Variants in EPB41L5 observed in about 807,000 individuals in gnomAD.
The protein encoded by EPB41L5 is erythrocyte membrane protein band 4.1 like 5.
Under a neutral mutation model 106.6 loss-of-function variants are expected in EPB41L5, and 55 were observed. The ratio of observed to expected loss-of-function variants is 0.52; its 90% CI spans 0.42 to 0.65. EPB41L5 has a LOEUF of 0.65. EPB41L5 is among the 30% of genes least tolerant of loss of function. EPB41L5 has a pLI of 0.00. For synonymous variants in EPB41L5, 297 were observed against 306.7 expected (o/e 0.97, Z 0.33); for missense variants, 871 against 882.1 (o/e 0.99, Z 0.16).
chr2:120,164,867 C>CATCTCT lies in EPB41L5; in HGVS notation c.1921_1926dup (p.Ser641_Leu642dup), dbSNP rs755437196. On this transcript the variant is annotated inframe_insertion, in exon 22 of 25. Transcript: ENST00000263713. Reference sequence around the variant, plus strand: ...ACAGATGAATTGGATGCCTTGCTTGCATCTCTAACTGAGAATCTAATTGAT... The same window carrying CATCTCT: ...ACAGATGAATTGGATGCCTTGCTTGCATCTCTATCTCTAACTGAGAATCTAATTGAT... The CATCTCT allele has an allele frequency of 1.2e-6, 2 of 1,612,440 alleles. No homozygotes were observed. Among genetic ancestry groups the CATCTCT allele is most frequent in the Non-Finnish European group, 1.7e-6 (2 of 1,179,250 alleles).
intron 24 of EPB41L5, among the ~76,000 whole-genome samples, chr2:120,173,036 T>G (rs2105578849): frequency 6.6e-6 from 1 of 152,214 alleles, no homozygotes; most frequent in African/African-American, 2.4e-5. Flanking sequence ...AAGACCAGCT[T>G]GGGCAACATA....
chr2:120,124,318 A>G (rs572485926), intron 16 of EPB41L5, among the ~76,000 whole-genome samples: 1 of 152,314 alleles, frequency 6.6e-6, no homozygotes, highest in South Asian at 2.1e-4. Flanking sequence ...TTAAAGTTGG[A>G]CTTAACACTT....
At chr2:120,020,507 A>G (rs1677847823) in intron 2 of EPB41L5, among the ~76,000 whole-genome samples, 1 of 152,162 alleles carries the variant, frequency 6.6e-6, no homozygotes, top group African/African-American at 2.4e-5. Context: ...AAGAATGTAT[A>G]TTTTTAGGGT....
chr2:120,055,826 G>A (rs565716565), intron 3 of EPB41L5, among the ~76,000 whole-genome samples: 4 of 152,096 alleles, frequency 2.6e-5, no homozygotes, highest in Non-Finnish European at 5.9e-5. Context: ...CTTGCTGAAC[G>A]TGTTTATTAG....
intron 24 of EPB41L5, among the ~76,000 whole-genome samples, chr2:120,168,281 AT>A (rs1687507031): frequency 6.6e-6 from 1 of 152,108 alleles, no homozygotes; most frequent in African/African-American, 2.4e-5. Context: ...GTCAATTTGT[AT>A]TGTTTCCCTT....
intron 10 of EPB41L5, among the ~76,000 whole-genome samples, chr2:120,082,819 C>G (rs757183355): frequency 4.6e-5 from 7 of 152,126 alleles, no homozygotes; most frequent in Non-Finnish European, 1.0e-4. Flanking sequence ...CAACTGCTTC[C>G]TGGTTTAGTC....
intron 3 of EPB41L5, among the ~76,000 whole-genome samples, chr2:120,051,631 T>C (rs1006951707): frequency 6.6e-6 from 1 of 152,208 alleles, no homozygotes; most frequent in South Asian, 2.1e-4. Context: ...ATTCCCTGAC[T>C]CCTTGCGCTT....
At chr2:120,021,471 C>T (rs1266331194) in intron 2 of EPB41L5, among the ~76,000 whole-genome samples, 4 of 151,816 alleles carry the variant, frequency 2.6e-5, no homozygotes, top group South Asian at 4.2e-4. Flanking sequence ...AGTGAAACCC[C>T]GTCTCTACTA....
chr2:120,038,196 AT>A (rs1487045142), intron 2 of EPB41L5, among the ~76,000 whole-genome samples: 1 of 152,230 alleles, frequency 6.6e-6, no homozygotes, highest in Non-Finnish European at 1.5e-5. Context: ...CCAAAAGCCA[AT>A]TCGAAAATAG....
At chr2:120,026,179 TAATTTTTGG>T (rs1678299356) in intron 2 of EPB41L5, among the ~76,000 whole-genome samples, 1 of 152,110 alleles carries the variant, frequency 6.6e-6, no homozygotes, top group South Asian at 2.1e-4. Flanking sequence ...AAAATAGGCA[TAATTTTTGG>T]AATTTTTTAT....
chr2:120,036,172 C>T (rs1283465828), intron 2 of EPB41L5, among the ~76,000 whole-genome samples: 1 of 152,144 alleles, frequency 6.6e-6, no homozygotes, highest in Non-Finnish European at 1.5e-5. Context: ...AATCCTTATC[C>T]TTAAAATTCC....
chr2:120,067,694 AT>A (rs1432119603), intron 3 of EPB41L5, among the ~76,000 whole-genome samples: 1 of 152,146 alleles, frequency 6.6e-6, no homozygotes, highest in Non-Finnish European at 1.5e-5. Context: ...GAAAGATCTA[AT>A]TTTACTCTGA....
rs553715778 is a variant in EPB41L5, at chr2:120,090,383, G to A, written c.910G>A (p.Asp304Asn). The stretch of plus-strand genomic sequence containing the variant: ...GGAACATACATTTGTCTTTAGACTG[G>A]ATCATCCAAAAGCATGCAAACATTT... The part of the protein sequence containing the change: ...EQEHTFVFRL[D>N]HPKACKHLWK... The change falls in exon 12 of 25, where the codon GAT becomes AAT. Residue 304 changes from aspartate (D) to asparagine (N), a missense_variant. Transcript: ENST00000263713. 6.2e-7 allele frequency: 1 copy of A among 1,611,812 alleles called. No homozygotes were observed. The highest frequency in any genetic ancestry group is 1.3e-5 in the African/African-American group (1 of 74,840).
At chr2:120,055,919 G>GT (rs1680618721) in intron 3 of EPB41L5, among the ~76,000 whole-genome samples, 1 of 152,060 alleles carries the variant, frequency 6.6e-6, no homozygotes, top group Non-Finnish European at 1.5e-5. Context: ...GATGTCTTGT[G>GT]TTTTTTTCTT....
At chr2:120,051,274 A>G (rs1680264550) in intron 3 of EPB41L5, among the ~76,000 whole-genome samples, 2 of 152,218 alleles carry the variant, frequency 1.3e-5, no homozygotes, top group Admixed American at 1.3e-4. Context: ...AGAGGCAGGC[A>G]GGCCTCCTTG....
At chr2:120,121,327 A>G (rs977960601) in intron 16 of EPB41L5, among the ~76,000 whole-genome samples, 2 of 152,040 alleles carry the variant, frequency 1.3e-5, no homozygotes, top group Admixed American at 6.6e-5. Context: ...TACATTAGGT[A>G]TTTCTCCTAA....
At chr2:120,109,951 G>A (rs1304818839) in intron 16 of EPB41L5, among the ~76,000 whole-genome samples, 2 of 152,230 alleles carry the variant, frequency 1.3e-5, no homozygotes, top group African/African-American at 4.8e-5. Flanking sequence ...CATAATTTAT[G>A]ACAGTGATTT....
intron 21 of EPB41L5, among the ~76,000 whole-genome samples, chr2:120,162,264 C>A (rs1168667399): frequency 6.6e-6 from 1 of 152,210 alleles, no homozygotes; most frequent in Non-Finnish European, 1.5e-5. Context: ...TGTATCCACT[C>A]GCTAAACCCT....
chr2:120,173,252 TAAG>T (rs139579984), intron 24 of EPB41L5, among the ~76,000 whole-genome samples: 4,637 of 152,278 alleles, frequency 0.03, 107 homozygotes, highest in Middle Eastern at 0.054. Flanking sequence ...GCTGAAAAGA[TAAG>T]AAGGCAGGAT....
Sources: allele counts gnomAD v4.1 joint callset (sites outside exome capture counted in the v4.1 genomes callset), GRCh38; gene constraint gnomAD v4.1.1; transcripts MANE v1.5; gene names NCBI Gene and HGNC (gene_info 2026-07-23, HGNC 2026-07-21).